UBE2D3: variants seen among roughly 807,000 people sequenced by gnomAD.
UBE2D3 encodes the protein ubiquitin conjugating enzyme E2 D3.
Under a neutral mutation model 22.8 loss-of-function variants are expected in UBE2D3, and 2 were observed. The observed-to-expected ratio is 0.09, with a 90% CI of 0.04 to 0.28. The LOEUF is 0.28. UBE2D3 is among the 10% of genes least tolerant of loss of function. The probability of loss-of-function intolerance (pLI) is 1.00; values close to 1 mark genes in which losing one functional copy is unlikely to be tolerated. For synonymous variants in UBE2D3, 56 were observed against 60.4 expected, an observed-to-expected ratio of 0.93 and a Z score of 0.34; for missense variants, 27 against 182.5, an observed-to-expected ratio of 0.15 and a Z score of 4.91.
At chr4:102,835,662 C>G (rs574063064) in intron 1 of UBE2D3, among the ~76,000 whole-genome samples, 1 of 152,310 alleles carries the variant, frequency 6.6e-6, no homozygotes, top group South Asian at 2.1e-4. Context: ...GTTACCTCTT[C>G]CTCATCTCTA....
intron 4 of UBE2D3, among the ~76,000 whole-genome samples, chr4:102,803,418 AG>A (rs760479496): frequency 2.1e-4 from 32 of 152,350 alleles, no homozygotes; most frequent in Middle Eastern, 3.4e-3. Context: ...TCTATTAGAA[AG>A]GCTTTGTATA....
chr4:102,823,951 C>T (rs1730035593), intron 2 of UBE2D3, among the ~76,000 whole-genome samples: 1 of 152,182 alleles, frequency 6.6e-6, no homozygotes, highest in Non-Finnish European at 1.5e-5. Flanking sequence ...GTAACACAAG[C>T]ATACCATACT....
chr4:102,837,991 T>C (rs992611910), intron 1 of UBE2D3, among the ~76,000 whole-genome samples: 1 of 151,878 alleles, frequency 6.6e-6, no homozygotes, highest in Non-Finnish European at 1.5e-5. Context: ...TTTTCTAAAA[T>C]AGCTGTAGTC....
chr4:102,837,009 T>C (rs949580187), intron 1 of UBE2D3: 15 of 152,244 alleles, frequency 9.9e-5, no homozygotes, highest in African/African-American at 3.6e-4. Flanking sequence ...AATTTAAGAT[T>C]TCACTATATA....
At position 102,794,521 on chromosome 4, in the gene UBE2D3, TA is replaced by T. The variant is rs765544405; in HGVS notation, c.*2893del. 40 of 152,054 alleles carry T rather than the reference TA, an allele frequency of 2.6e-4. No individual in the cohort carries two copies. Among genetic ancestry groups the T allele is most frequent in the African/African-American group, 9.4e-4 (39 of 41,402 alleles). The allele number at this position is 152,054 out of a possible 1,614,324, so 9.4% of individuals were successfully genotyped here. On this transcript the variant is annotated 3_prime_UTR_variant, in exon 8 of 8. Coordinates refer to ENST00000453744, the MANE Select transcript of UBE2D3 (RefSeq NM_181891.3). ...GTTCCTCATAAAAGACAAATTCACTTAAAAGTGTAATCAACAATCATTAACA... is the reference window on the plus strand; with the variant it reads ...GTTCCTCATAAAAGACAAATTCACTTAAAGTGTAATCAACAATCATTAACA...
chr4:102,819,899 A>G (rs1729328865), intron 2 of UBE2D3, among the ~76,000 whole-genome samples: 1 of 152,232 alleles, frequency 6.6e-6, no homozygotes, highest in African/African-American at 2.4e-5. Context: ...TTCTTTCAGA[A>G]CTAAAGACAA....
intron 2 of UBE2D3, among the ~76,000 whole-genome samples, chr4:102,820,952 T>C (rs968273733): frequency 1.3e-5 from 2 of 152,178 alleles, no homozygotes; most frequent in Non-Finnish European, 2.9e-5. Flanking sequence ...TTACAATAGA[T>C]TATGTTGAAA....
chr4:102,866,735 C>T (rs1733161384), intron 1 of UBE2D3, among the ~76,000 whole-genome samples: 1 of 152,100 alleles, frequency 6.6e-6, no homozygotes, highest in Non-Finnish European at 1.5e-5. Flanking sequence ...CTCAACACAG[C>T]ACGTCTTGCC....
chr4:102,831,713 T>C (rs942604971), upstream of UBE2D3, among the ~76,000 whole-genome samples: 1 of 152,232 alleles, frequency 6.6e-6, no homozygotes, highest in Non-Finnish European at 1.5e-5. Context: ...GTGCATTCTG[T>C]CTTCCAAAAA....
intron 4 of UBE2D3, chr4:102,809,087 C>T (rs942445636): frequency 8.4e-6 from 2 of 237,888 alleles, no homozygotes; most frequent in South Asian, 3.8e-5. Context: ...TTTTAGTGCG[C>T]TCTAATTCTC....
intron 2 of UBE2D3, chr4:102,825,335 C>T (rs1245595640): frequency 2.0e-6 from 2 of 996,972 alleles, no homozygotes; most frequent in Non-Finnish European, 2.4e-6. Flanking sequence ...TGTGCAACAA[C>T]CAAACACATC....
At chr4:102,827,303 C>T in intron 1 of UBE2D3, 124 bp downstream of exon 1, 1 of 958,528 alleles carries the variant, frequency 1.0e-6, no homozygotes, top group Middle Eastern at 5.4e-4. Context: ...ACCTTCCCAC[C>T]CTAACCCACC....
chr4:102,819,621 C>T (rs948545320), intron 2 of UBE2D3: 1 of 985,206 alleles, frequency 1.0e-6, no homozygotes, highest in Non-Finnish European at 1.2e-6. Context: ...TTTCATCCCC[C>T]CAAGGCTTGT....
intron 1 of UBE2D3, among the ~76,000 whole-genome samples, chr4:102,856,658 C>T (rs1266054468): frequency 1.3e-5 from 2 of 152,146 alleles, no homozygotes; most frequent in Non-Finnish European, 2.9e-5. Context: ...ACTGTCTCTC[C>T]TCCTTTCCTC....
At chr4:102,827,953 A>T, upstream of UBE2D3, 1 of 985,496 alleles carries the variant, frequency 1.0e-6, no homozygotes, top group Non-Finnish European at 1.2e-6. Context: ...CTTGGTATCG[A>T]GGAGACGACT....
At chr4:102,835,050 T>A (rs552016982) in intron 1 of UBE2D3, among the ~76,000 whole-genome samples, 1 of 152,148 alleles carries the variant, frequency 6.6e-6, no homozygotes, top group Non-Finnish European at 1.5e-5. Context: ...AGTGTTCACT[T>A]ATCACAGTCT....
chr4:102,799,739 G>C (rs561420805), intron 6 of UBE2D3, among the ~76,000 whole-genome samples: 6 of 148,892 alleles, frequency 4.0e-5, no homozygotes, highest in Non-Finnish European at 7.4e-5. Flanking sequence ...CATAAAAATA[G>C]TTTCTAAGAT....
At chr4:102,827,401 C>A in intron 1 of UBE2D3, 26 bp downstream of exon 1, 1 of 986,256 alleles carries the variant, frequency 1.0e-6, no homozygotes, top group Non-Finnish European at 1.2e-6. Flanking sequence ...CCCTTCCCTG[C>A]CCTAGCCGTC....
rs7698994 is a variant in UBE2D3 at position 102,811,681 on chromosome 4, A to C, written c.25-1826T>G. The C allele has an allele frequency of 7.9e-3, 3,022 of 381,544 alleles. 81 individuals carry two copies. The highest frequency in any genetic ancestry group is 0.053 in the African/African-American group (2,430 of 45,602). 23.6% of individuals were successfully genotyped at this position (381,544 alleles called of 1,614,324 possible). The stretch of plus-strand genomic sequence containing the variant: ...AGTGAGACTGTCTCAAAAACAACAA[A>C]AAAAAAACCCCAGAAAAGCTGAACG... On this transcript the variant is annotated intron_variant, in intron 2 of 7. Transcript: ENST00000453744.
Sources: allele counts gnomAD v4.1 joint callset (sites outside exome capture counted in the v4.1 genomes callset), GRCh38; gene constraint gnomAD v4.1.1; transcripts MANE v1.5; gene names NCBI Gene and HGNC (gene_info 2026-07-23, HGNC 2026-07-21).